KIF5C: variants seen among roughly 807,000 people sequenced by gnomAD.
KIF5C encodes the protein kinesin heavy chain isoform 5C.
A neutral mutation model predicts 125.2 loss-of-function variants in KIF5C; 18 were observed. That is an observed-to-expected ratio of 0.14 (90% confidence interval 0.10 to 0.21). KIF5C has a LOEUF of 0.21. Among genes scored for constraint, KIF5C ranks in the 10% least tolerant of loss-of-function variants. The pLI, the probability that KIF5C is intolerant of heterozygous loss-of-function variation, is 1.00. For missense variants in KIF5C, 780 were observed against 1,183.8 expected (o/e 0.66, Z 5.01); for synonymous variants, 405 against 434.0 (o/e 0.93, Z 0.83).
chr2:148,985,236 T>A (rs1574813770), intron 15 of KIF5C, among the ~76,000 whole-genome samples: 1 of 152,150 alleles, frequency 6.6e-6, no homozygotes, highest in African/African-American at 2.4e-5. Flanking sequence ...AACAATTTGC[T>A]GGAATATAGA....
intron 13 of KIF5C, among the ~76,000 whole-genome samples, chr2:148,979,653 G>A (rs1681177964): frequency 6.6e-6 from 1 of 152,156 alleles, no homozygotes; most frequent in Admixed American, 6.5e-5. Context: ...TTTGCAATCA[G>A]CTTGCTCAGA....
chr2:149,010,390 T>C, intron 24 of KIF5C, 39 bp downstream of exon 24: 4 of 1,499,592 alleles, frequency 2.7e-6, no homozygotes, highest in Non-Finnish European at 3.6e-6. Flanking sequence ...TTTGAGAAGC[T>C]ACTGCGGCCT....
chr2:148,906,356 G>A (rs148708553), intron 1 of KIF5C, among the ~76,000 whole-genome samples: 72 of 152,288 alleles, frequency 4.7e-4, no homozygotes, highest in African/African-American at 1.6e-3. Flanking sequence ...AGTCCCATGG[G>A]AGGGAGATGC....
chr2:148,975,258 G>T (rs1439445762), intron 12 of KIF5C, among the ~76,000 whole-genome samples: 2 of 152,134 alleles, frequency 1.3e-5, no homozygotes, highest in Admixed American at 1.3e-4. Flanking sequence ...AAGACTGCCT[G>T]ATTATGTCTT....
intron 21 of KIF5C, among the ~76,000 whole-genome samples, chr2:149,002,942 C>G (rs1681899628): frequency 6.6e-6 from 1 of 152,216 alleles, no homozygotes; most frequent in South Asian, 2.1e-4. Flanking sequence ...CTCCCGTCTC[C>G]CTGCTCGTCC....
In KIF5C at chr2:148,875,686, C is replaced by T. The variant is rs374455258; in HGVS notation, c.69C>T (p.Ile23=). The T allele has an allele frequency of 4.3e-5, 68 of 1,590,622 alleles. No homozygotes were observed. In the African/African-American group the frequency reaches 8.3e-4, roughly 19 times the overall value. ...CRFRPLNEAE[I]LRGDKFIPKF... ...TCCGGCCCCTCAACGAAGCGGAGAT[C>T]CTCCGCGGGGACAAATTCATCCCCA... The change falls in exon 1 of 26, where the codon ATC becomes ATT. Residue 23 remains isoleucine, a synonymous_variant. Coordinates refer to ENST00000435030, the MANE Select transcript of KIF5C (RefSeq NM_004522.3).
intron 9 of KIF5C, 68 bp downstream of exon 9, chr2:148,950,011 C>T: frequency 6.5e-7 from 1 of 1,537,132 alleles, no homozygotes; most frequent in Non-Finnish European, 8.8e-7. Flanking sequence ...CTCATAGTCC[C>T]TTTGCCACAC....
intron 12 of KIF5C, among the ~76,000 whole-genome samples, chr2:148,976,717 G>A (rs757456153): frequency 2.0e-5 from 3 of 151,872 alleles, no homozygotes; most frequent in Non-Finnish European, 1.5e-5. Flanking sequence ...TGGTACTACA[G>A]GCACATACCA....
Position 148,925,321 on chromosome 2 carries a change from C to T in KIF5C, c.217+3094C>T, listed in dbSNP as rs1681947567. On this transcript the variant is annotated intron_variant, in intron 2 of 25. Transcript: ENST00000435030. ...ATGGCAATGGATGGACTTTATCCTG[C>T]AGACAATGTGGACCCAATGAAGAGT... 2.6e-5 allele frequency among the ~76,000 whole-genome samples: 4 copies of T among 152,114 alleles called. No individual in the cohort carries two copies. The South Asian group carries it at 8.3e-4, about 32-fold the overall frequency.
chr2:148,939,377 C>G (rs538814220), intron 4 of KIF5C, among the ~76,000 whole-genome samples: 1 of 152,302 alleles, frequency 6.6e-6, no homozygotes, highest in East Asian at 1.9e-4. Flanking sequence ...TTCTTTATAT[C>G]TAAGGATACA....
intron 23 of KIF5C, 66 bp downstream of exon 23, chr2:149,008,133 T>A: frequency 1.3e-6 from 2 of 1,524,714 alleles, no homozygotes; most frequent in Non-Finnish European, 1.8e-6. Flanking sequence ...CCCACCAGGT[T>A]TGGCCACAGT....
At chr2:148,942,295 A>G (rs1682426978) in intron 6 of KIF5C, among the ~76,000 whole-genome samples, 1 of 152,214 alleles carries the variant, frequency 6.6e-6, no homozygotes, top group African/African-American at 2.4e-5. Context: ...AGTAGCTAAT[A>G]TTGGTGGCCA....
chr2:148,987,588 G>T (rs1391798590), intron 15 of KIF5C, among the ~76,000 whole-genome samples: 1 of 152,130 alleles, frequency 6.6e-6, no homozygotes, highest in Non-Finnish European at 1.5e-5. Flanking sequence ...ATGACCAGGC[G>T]TTTCCAACTT....
chr2:149,000,365 T>G, intron 19 of KIF5C, 58 bp from the exon 20 acceptor site: 1 of 1,533,136 alleles, frequency 6.5e-7, no homozygotes, highest in East Asian at 2.5e-5. Flanking sequence ...GGTTTTAGCC[T>G]GATGACTCAG....
chr2:148,968,161 T>C (rs1680797016), intron 11 of KIF5C, among the ~76,000 whole-genome samples: 1 of 152,230 alleles, frequency 6.6e-6, no homozygotes, highest in African/African-American at 2.4e-5. Flanking sequence ...GCAGATTTTC[T>C]TCTCTTGAAT....
At chr2:148,895,449 A>G (rs1681813055) in intron 1 of KIF5C, among the ~76,000 whole-genome samples, 1 of 151,866 alleles carries the variant, frequency 6.6e-6, no homozygotes, top group South Asian at 2.1e-4. Flanking sequence ...TACTTTTATC[A>G]TTCTCTATGG....
At chr2:148,934,156 A>G (rs111162729) in intron 3 of KIF5C, among the ~76,000 whole-genome samples, 2 of 151,324 alleles carry the variant, frequency 1.3e-5, no homozygotes, top group Non-Finnish European at 3.0e-5. Flanking sequence ...ACACAGACAT[A>G]TACACATCAC....
In KIF5C at chr2:148,875,569, G is replaced by GCCCCCGGGCCCCCCCCCCACC; in HGVS notation, c.-45_-44insCGGGCCCCCCCCCCACCCCCC. 1.4e-6 allele frequency: 1 copy of GCCCCCGGGCCCCCCCCCCACC among 689,866 alleles called. No individual in the cohort carries two copies. The highest frequency in any genetic ancestry group is 2.6e-6 in the Non-Finnish European group (1 of 380,192). 42.7% of individuals were successfully genotyped at this position (689,866 alleles called of 1,614,324 possible). ...GCGGCCTCCTCCCTCGTCGTTCCCG[G>GCCCCCGGGCCCCCCCCCCACC]CCCCGGCCCCCCACCCATCCCCGTG... On this transcript the variant is annotated 5_prime_UTR_variant, in exon 1 of 26. Transcript: ENST00000435030.
intron 13 of KIF5C, among the ~76,000 whole-genome samples, chr2:148,981,151 A>G (rs1418124608): frequency 6.6e-6 from 1 of 152,114 alleles, no homozygotes; most frequent in African/African-American, 2.4e-5. Flanking sequence ...TGCACACAAA[A>G]CAGATTTTTG....
Sources: allele counts gnomAD v4.1 joint callset (sites outside exome capture counted in the v4.1 genomes callset), GRCh38; gene constraint gnomAD v4.1.1; transcripts MANE v1.5; gene names NCBI Gene and HGNC (gene_info 2026-07-23, HGNC 2026-07-21).